Variants in DOCK5 observed in about 807,000 individuals in gnomAD.
DOCK5 encodes dedicator of cytokinesis protein 5.
In DOCK5, 142 loss-of-function variants were observed where a neutral mutation model predicts 251.8. That is an observed-to-expected ratio of 0.56 (90% confidence interval 0.49 to 0.65). The LOEUF is 0.65. DOCK5 is among the 30% of genes least tolerant of loss of function. The pLI is 0.00. For synonymous variants in DOCK5, 842 were observed against 835.5 expected, an observed-to-expected ratio of 1.01 and a Z score of -0.13; for missense variants, 2,111 against 2,312.3, an observed-to-expected ratio of 0.91 and a Z score of 1.79.
intron 1 of DOCK5, among the ~76,000 whole-genome samples, chr8:25,221,103 A>G (rs923385084): frequency 1.3e-5 from 2 of 151,894 alleles, no homozygotes; most frequent in South Asian, 2.1e-4. Flanking sequence ...TTATTTCTAC[A>G]GTTCATTTTT....
chr8:25,225,464 C>T (rs552383830), intron 1 of DOCK5, among the ~76,000 whole-genome samples: 10 of 152,136 alleles, frequency 6.6e-5, no homozygotes, highest in African/African-American at 1.4e-4. Flanking sequence ...CCCAGCACTT[C>T]GGGAGGCCAA....
At chr8:25,360,003 G>A (rs1800647855) in intron 28 of DOCK5, among the ~76,000 whole-genome samples, 1 of 152,224 alleles carries the variant, frequency 6.6e-6, no homozygotes, top group Admixed American at 6.5e-5. Context: ...ACTTTGCAGA[G>A]CAGTGGACAG....
At chr8:25,376,197 C>T (rs1800960759) in intron 37 of DOCK5, 1 of 984,798 alleles carries the variant, frequency 1.0e-6, no homozygotes, top group Admixed American at 6.2e-5. Flanking sequence ...GAAAGAAATC[C>T]CCAGTGTCTG....
intron 35 of DOCK5, among the ~76,000 whole-genome samples, chr8:25,373,158 C>T (rs1249737816): frequency 3.9e-5 from 6 of 152,068 alleles, no homozygotes; most frequent in Admixed American, 2.0e-4. Flanking sequence ...CGCCACCATG[C>T]CCAGCTAATT....
intron 18 of DOCK5, among the ~76,000 whole-genome samples, chr8:25,329,646 A>T (rs1414772360): frequency 6.6e-6 from 1 of 152,182 alleles, no homozygotes; most frequent in Non-Finnish European, 1.5e-5. Context: ...CTGATGCCCC[A>T]GAAATCCCAC....
Position 25,317,111 on chromosome 8 carries a change from G to A in DOCK5, c.1423G>A (p.Glu475Lys), listed in dbSNP as rs1272597417. ...NVEVTMSVHD[E>K]EGKLLEKAIH... Reference sequence around the variant, plus strand: ...GGAGGTGACGATGTCTGTGCACGATGAGGAGGGCAAGCTCTTGGAGGTGCG... The same window carrying A: ...GGAGGTGACGATGTCTGTGCACGATAAGGAGGGCAAGCTCTTGGAGGTGCG... Residue 475 changes from glutamate (E) to lysine (K), a missense_variant, in exon 14 of 52, where the codon GAG becomes AAG. Glu to Lys is a moderately conservative substitution (Grantham distance 56). This residue lies in a region of DOCK5 where 1,717 missense variants were observed against 1,892.4 expected (regional missense o/e 0.91). Transcript: ENST00000276440. 3.7e-6 allele frequency: 6 copies of A among 1,613,896 alleles called. No homozygotes were observed. In the South Asian group the frequency reaches 5.5e-5, roughly 15 times the overall value.
chr8:25,413,517 C>G lies in DOCK5; in HGVS notation c.*2219C>G, dbSNP rs950824769. Reference sequence around the variant, plus strand: ...GCCTGGCACGACTTCTGAGAAGTCACCCAGCAGACCGGCTAGAGGGGATTT... The same window carrying G: ...GCCTGGCACGACTTCTGAGAAGTCAGCCAGCAGACCGGCTAGAGGGGATTT... On this transcript the variant is annotated 3_prime_UTR_variant, in exon 52 of 52. Transcript: ENST00000276440. 1 of 152,196 alleles carries G rather than the reference C, an allele frequency of 6.6e-6. No individual in the cohort carries two copies. Among genetic ancestry groups the G allele is most frequent in the East Asian group, 1.9e-4 (1 of 5,196 alleles). The allele number at this position is 152,196 out of a possible 1,614,324, so 9.4% of individuals were successfully genotyped here. A position where few individuals can be genotyped will look rare whatever the true frequency, so the allele number is the denominator to read the frequency against.
At chr8:25,325,629 C>T in intron 18 of DOCK5, 82 bp downstream of exon 18, 2 of 1,503,264 alleles carry the variant, frequency 1.3e-6, no homozygotes, top group South Asian at 2.6e-5. Flanking sequence ...CAGGGCTGGA[C>T]TATATGGGGC....
intron 3 of DOCK5, among the ~76,000 whole-genome samples, chr8:25,269,746 G>C (rs1246587693): frequency 1.3e-5 from 2 of 152,262 alleles, no homozygotes; most frequent in African/African-American, 4.8e-5. Flanking sequence ...TGAAAGAGCA[G>C]AGTTGATAGG....
chr8:25,234,460 C>T (rs1297937140), intron 1 of DOCK5, among the ~76,000 whole-genome samples: 2 of 152,142 alleles, frequency 1.3e-5, no homozygotes, highest in Non-Finnish European at 2.9e-5. Flanking sequence ...GAGCTGTTTT[C>T]CTTCATTATT....
At chr8:25,295,136 C>T (rs1178531816) in intron 6 of DOCK5, among the ~76,000 whole-genome samples, 1 of 152,078 alleles carries the variant, frequency 6.6e-6, no homozygotes, top group African/African-American at 2.4e-5. Context: ...CATGCATTAT[C>T]TTATTAAATT....
At chr8:25,410,755 C>T (rs796542351) in intron 51 of DOCK5, among the ~76,000 whole-genome samples, 9 of 150,816 alleles carry the variant, frequency 6.0e-5, no homozygotes, top group African/African-American at 2.2e-4. Context: ...ATGTGAGCCA[C>T]TGCCTGCCCC....
chr8:25,275,487 A>C, intron 4 of DOCK5, 46 bp downstream of exon 4: 1 of 1,526,784 alleles, frequency 6.5e-7, no homozygotes, highest in Non-Finnish European at 9.0e-7. Context: ...TGAAGATGTA[A>C]CATTATCATT....
At chr8:25,328,526 A>G (rs1805615665) in intron 18 of DOCK5, among the ~76,000 whole-genome samples, 1 of 152,240 alleles carries the variant, frequency 6.6e-6, no homozygotes, top group Non-Finnish European at 1.5e-5. Flanking sequence ...AACATTAATA[A>G]GCCATCAGCT....
At chr8:25,300,516 A>C in intron 8 of DOCK5, 60 bp from the exon 9 acceptor site, 1 of 1,446,878 alleles carries the variant, frequency 6.9e-7, no homozygotes, top group Non-Finnish European at 9.6e-7. Flanking sequence ...TACTGAGGGT[A>C]GCCTCATCTC....
rs1214085834 is a variant in DOCK5 at position 25,255,965 on chromosome 8, A to G, written c.127+12208A>G. ...TGAATGATTCAACAGAAATGGTCAT[A>G]GTAGCAGGAAACAGACTGCCTAAAA... is the stretch of plus-strand genomic sequence containing the variant. On this transcript the variant is annotated intron_variant, in intron 2 of 51. Coordinates refer to ENST00000276440, the MANE Select transcript of DOCK5 (RefSeq NM_024940.8). Among the ~76,000 whole-genome samples the G allele has an allele frequency of 3.0e-4, 45 of 152,232 alleles. 1 individual carries two copies. The highest frequency in any genetic ancestry group is 2.9e-3 in the Admixed American group (45 of 15,282).
In DOCK5 at chr8:25,292,106, C is replaced by T. The variant is rs369802050; in HGVS notation, c.404C>T (p.Thr135Met). Residue 135 changes from threonine to methionine, a missense_variant, in exon 6 of 52, where the codon ACG becomes ATG. This residue lies in a region of DOCK5 where 335 missense variants were observed against 324.9 expected (regional missense o/e 1.03). Transcript: ENST00000276440. Reference sequence around the variant, plus strand: ...TGGCGGTCCCAGATCCTGTCTGGGACGCTCCCCAAGGATGAACTGGCAGAG... The same window carrying T: ...TGGCGGTCCCAGATCCTGTCTGGGATGCTCCCCAAGGATGAACTGGCAGAG... Reference protein sequence around the residue: ...IEWRSQILSGTLPKDELAELK... With the variant: ...IEWRSQILSGMLPKDELAELK... The T allele has an allele frequency of 5.7e-6, 9 of 1,589,918 alleles. No homozygotes were observed. The highest frequency in any genetic ancestry group is 2.3e-5 in the East Asian group (1 of 43,912).
At chr8:25,364,127 ATATAT>A (rs1800735900) in intron 29 of DOCK5, among the ~76,000 whole-genome samples, 2 of 152,306 alleles carry the variant, frequency 1.3e-5, no homozygotes, top group South Asian at 4.1e-4. Flanking sequence ...TGAACTGAAT[ATATAT>A]TATATTAAAA....
intron 48 of DOCK5, among the ~76,000 whole-genome samples, chr8:25,405,802 GT>G (rs1308934721): frequency 6.6e-6 from 1 of 152,076 alleles, no homozygotes; most frequent in Admixed American, 6.5e-5. Context: ...AGGAGTTATA[GT>G]TGTGTTCTTT....
Sources: gnomAD v4.1 joint callset for allele counts (sites outside exome capture counted in the v4.1 genomes callset) on GRCh38, gnomAD v4.1.1 for gene constraint, gnomAD v4.1.1 regional missense constraint, MANE v1.5 for transcripts, NCBI Gene and HGNC (gene_info 2026-07-23, HGNC 2026-07-21) for gene names.